Variants in EPHA3 observed in about 807,000 individuals in gnomAD.
The protein encoded by EPHA3 is ephrin type-A receptor 3.
Under a neutral mutation model 107.1 loss-of-function variants are expected in EPHA3, and 42 were observed. The observed-to-expected ratio is 0.39, with a 90% CI of 0.31 to 0.51. EPHA3 has a LOEUF of 0.51. Among genes scored for constraint, EPHA3 ranks in the 20% least tolerant of loss-of-function variants. The pLI, the probability that EPHA3 is intolerant of heterozygous loss-of-function variation, is 0.78. For synonymous variants in EPHA3, 461 were observed against 424.8 expected, an observed-to-expected ratio of 1.09 and a Z score of -1.05; for missense variants, 1,183 against 1,211.2, an observed-to-expected ratio of 0.98 and a Z score of 0.35.
intron 3 of EPHA3, among the ~76,000 whole-genome samples, chr3:89,319,129 T>G (rs1442399765): frequency 6.6e-6 from 1 of 151,958 alleles, no homozygotes; most frequent in Non-Finnish European, 1.5e-5. Context: ...ATGTAAGCAA[T>G]TTTCTGATAT....
chr3:89,352,130 C>G (rs1284953633), intron 5 of EPHA3, among the ~76,000 whole-genome samples: 1 of 151,082 alleles, frequency 6.6e-6, no homozygotes, highest in Admixed American at 6.6e-5. Context: ...AGGAAAAGAT[C>G]TTTGAGGCTG....
chr3:89,330,122 A>G (rs1387776358), intron 3 of EPHA3, among the ~76,000 whole-genome samples: 1 of 151,976 alleles, frequency 6.6e-6, no homozygotes, highest in Non-Finnish European at 1.5e-5. Context: ...CATGGTGTTT[A>G]TGTTTTCCTT....
intron 2 of EPHA3, among the ~76,000 whole-genome samples, chr3:89,180,882 T>C (rs943951929): frequency 8.6e-5 from 13 of 151,942 alleles, no homozygotes; most frequent in African/African-American, 2.9e-4. Flanking sequence ...CTTGCTTGTA[T>C]AGGAGGAGCT....
chr3:89,401,463 G>T (rs1708961418), intron 7 of EPHA3, among the ~76,000 whole-genome samples: 1 of 152,114 alleles, frequency 6.6e-6, no homozygotes, highest in Admixed American at 6.5e-5. Flanking sequence ...TGCCAACAAG[G>T]TTTAAAACAA....
At chr3:89,469,008 A>C (rs904947451) in intron 15 of EPHA3, among the ~76,000 whole-genome samples, 4 of 152,166 alleles carry the variant, frequency 2.6e-5, no homozygotes, top group African/African-American at 9.6e-5. Context: ...TGTTATATTG[A>C]TATTTTATAG....
At chr3:89,205,850 A>G (rs1161693621) in intron 2 of EPHA3, among the ~76,000 whole-genome samples, 1 of 152,014 alleles carries the variant, frequency 6.6e-6, no homozygotes, top group Non-Finnish European at 1.5e-5. Context: ...AGCAGGATAG[A>G]ATCTCTGATA....
Position 89,165,998 on chromosome 3 carries a change from C to A in EPHA3, c.153+38725C>A, listed in dbSNP as rs146468315. Among the ~76,000 whole-genome samples the A allele has an allele frequency of 8.6e-3, 1,306 of 152,232 alleles. 9 individuals carry two copies. Among genetic ancestry groups the A allele is most frequent in the East Asian group, 0.026 (136 of 5,170 alleles). On this transcript the variant is annotated intron_variant, in intron 2 of 16. Transcript: ENST00000336596. Reference sequence around the variant, plus strand: ...GTTTTACAGATGATGAAACTAAAGCCAGAGAGGTTAAGTAATTTGCTCAAA... The same window carrying A: ...GTTTTACAGATGATGAAACTAAAGCAAGAGAGGTTAAGTAATTTGCTCAAA...
chr3:89,140,057 C>A (rs758590484), intron 2 of EPHA3, among the ~76,000 whole-genome samples: 4 of 151,726 alleles, frequency 2.6e-5, no homozygotes, highest in Non-Finnish European at 5.9e-5. Flanking sequence ...TATTAGCTTT[C>A]CATTCTCGTG....
At chr3:89,242,946 T>C (rs1202029766) in intron 3 of EPHA3, among the ~76,000 whole-genome samples, 11 of 119,260 alleles carry the variant, frequency 9.2e-5, no homozygotes, top group Admixed American at 3.4e-4. Context: ...GATGTTCCCC[T>C]TCCTGTGTCC....
rs533669691 is a variant in EPHA3 at position 89,177,962 on chromosome 3, A to G, written c.154-31898A>G. Among the ~76,000 whole-genome samples, 208 of 152,338 alleles carry G rather than the reference A, an allele frequency of 1.4e-3. 2 individuals are homozygous for G. The highest frequency in any genetic ancestry group is 4.7e-3 in the African/African-American group (194 of 41,588). On this transcript the variant is annotated intron_variant, in intron 2 of 16. Coordinates refer to ENST00000336596, the MANE Select transcript of EPHA3 (RefSeq NM_005233.6). ...AGACTGAGTCACAAAGCAAAAATAT[A>G]ATGTCTAATGATAATGAACATAATA...
intron 3 of EPHA3, among the ~76,000 whole-genome samples, chr3:89,279,614 T>G (rs1445296816): frequency 6.6e-6 from 1 of 152,130 alleles, no homozygotes; most frequent in Non-Finnish European, 1.5e-5. Flanking sequence ...CTAATTGATT[T>G]TTTTTCTCAT....
chr3:89,440,710 G>T (rs1487356474), intron 13 of EPHA3, among the ~76,000 whole-genome samples: 2 of 152,144 alleles, frequency 1.3e-5, no homozygotes, highest in Admixed American at 6.5e-5. Context: ...AGTGGACAAG[G>T]TTTTAGACTC....
chr3:89,338,572 G>T (rs1243939130), intron 3 of EPHA3, among the ~76,000 whole-genome samples: 1 of 152,270 alleles, frequency 6.6e-6, no homozygotes, highest in Non-Finnish European at 1.5e-5. Context: ...TTGTTGAGAC[G>T]GAGTCTCGCT....
rs527569189 is a variant in EPHA3 at position 89,128,736 on chromosome 3, A to G, written c.153+1463A>G. Reference sequence around the variant, plus strand: ...TATATATATTACTATATTAGTATCTATAACTAATAGATATGTATATGTTTC... The same window carrying G: ...TATATATATTACTATATTAGTATCTGTAACTAATAGATATGTATATGTTTC... On this transcript the variant is annotated intron_variant, in intron 2 of 16. Coordinates refer to ENST00000336596, the MANE Select transcript of EPHA3 (RefSeq NM_005233.6). Among the ~76,000 whole-genome samples the G allele has an allele frequency of 1.6e-4, 24 of 150,854 alleles. No homozygotes were observed. In the East Asian group the frequency reaches 4.7e-3, roughly 29 times the overall value.
chr3:89,443,779 A>G (rs1383456996), intron 13 of EPHA3, among the ~76,000 whole-genome samples: 1 of 152,180 alleles, frequency 6.6e-6, no homozygotes, highest in Non-Finnish European at 1.5e-5. Context: ...ATCCCAGATT[A>G]GGCAGGATAA....
At chr3:89,292,752 A>G (rs1706245367) in intron 3 of EPHA3, among the ~76,000 whole-genome samples, 1 of 152,176 alleles carries the variant, frequency 6.6e-6, no homozygotes, top group Non-Finnish European at 1.5e-5. Flanking sequence ...ACACACACAC[A>G]TAGAAAATGA....
intron 5 of EPHA3, among the ~76,000 whole-genome samples, chr3:89,395,496 T>C (rs1708830805): frequency 6.6e-6 from 1 of 152,188 alleles, no homozygotes; most frequent in Non-Finnish European, 1.5e-5. Flanking sequence ...CCTGATGTTT[T>C]GTTCTTTTTT....
intron 7 of EPHA3, chr3:89,400,029 A>C (rs1275868232): frequency 3.3e-5 from 34 of 1,036,636 alleles, no homozygotes; most frequent in Non-Finnish European, 3.9e-5. Context: ...AAACTGGCAA[A>C]CATTTTTCCA....
intron 2 of EPHA3, among the ~76,000 whole-genome samples, chr3:89,177,915 T>C (rs1313048065): frequency 1.3e-5 from 2 of 152,184 alleles, no homozygotes; most frequent in African/African-American, 2.4e-5. Flanking sequence ...ATTGATTTAC[T>C]ACACTCAGAA....
Sources: allele counts gnomAD v4.1 joint callset (sites outside exome capture counted in the v4.1 genomes callset), GRCh38; gene constraint gnomAD v4.1.1; transcripts MANE v1.5; gene names NCBI Gene and HGNC (gene_info 2026-07-23, HGNC 2026-07-21).